Variants in AHNAK2 observed in about 807,000 individuals in gnomAD.
AHNAK2 encodes protein AHNAK2.
In AHNAK2, 18 loss-of-function variants were observed where a neutral mutation model predicts 30.7. The ratio of observed to expected loss-of-function variants is 0.59; its 90% confidence interval spans 0.41 to 0.87. The LOEUF (loss-of-function observed/expected upper bound fraction) is 0.87, where lower values mean the gene tolerates loss of function less well. Among genes scored for constraint, AHNAK2 ranks in the 40% least tolerant of loss-of-function variants. The probability of loss-of-function intolerance (pLI) is 0.00; values close to 1 mark genes in which losing one functional copy is unlikely to be tolerated. For missense variants in AHNAK2, 8,604 were observed against 7,373.0 expected, an observed-to-expected ratio of 1.17 and a Z score of -6.11; for synonymous variants, 3,590 against 3,073.8, an observed-to-expected ratio of 1.17 and a Z score of -5.56.
rs371097771 is a variant in AHNAK2, at chr14:104,959,409, A to G, written c.56-1737T>C. Among the ~76,000 whole-genome samples, 36 of 152,284 alleles carry G rather than the reference A, an allele frequency of 2.4e-4. No individual in the cohort carries two copies. In the East Asian group the frequency reaches 6.6e-3, roughly 28 times the overall value. The stretch of plus-strand genomic sequence containing the variant: ...CTGGTCTTGAACTCTTGACCTCGTG[A>G]TCCGCCTGCCTCAGCCTCCCAAAGT... On this transcript the variant is annotated intron_variant, in intron 1 of 6. Transcript: ENST00000333244.
At position 104,952,307 on chromosome 14, in the gene AHNAK2, A is replaced by C. The variant is rs768172103; in HGVS notation, c.3144T>G (p.Ile1048Met). 1.8e-5 allele frequency: 29 copies of C among 1,611,160 alleles called. No individual in the cohort carries two copies. The highest frequency in any genetic ancestry group is 2.4e-5 in the Non-Finnish European group (28 of 1,179,052). The change falls in exon 7 of 7, where the codon ATT becomes ATG. Residue 1048 changes from isoleucine (I) to methionine (M), a missense_variant. Physicochemically the swap from Ile to Met is conservative, Grantham distance 10. Coordinates refer to ENST00000333244, the MANE Select transcript of AHNAK2 (RefSeq NM_138420.4). ...CCTTCAGGTCAGTAGAAGCAGGCTG[A>C]ATGCTGAGGTCAGTGGTCTTCAGGT... is the stretch of plus-strand genomic sequence containing the variant. ...QGDLKTTDLS[I>M]QPASTDLKVQ...
Position 104,946,634 on chromosome 14 carries a change from C to A in AHNAK2, c.8817G>T (p.Val2939=). The change falls in exon 7 of 7, where the codon GTG becomes GTT. Residue 2939 remains valine (V), a synonymous_variant. Coordinates refer to ENST00000333244, the MANE Select transcript of AHNAK2 (RefSeq NM_138420.4). ...CGTCCACCTCCACGCTGGGCAGAGACACCTCCACGTCGGGGGCCGTCACCT... is the reference window on the plus strand; with the variant it reads ...CGTCCACCTCCACGCTGGGCAGAGAAACCTCCACGTCGGGGGCCGTCACCT... ...KAEVTAPDVE[V]SLPSVEVDVE... 6.2e-7 allele frequency: 1 copy of A among 1,612,800 alleles called. No individual in the cohort carries two copies. The highest frequency in any genetic ancestry group is 1.1e-5 in the South Asian group (1 of 91,006).
Position 104,951,511 on chromosome 14 carries a change from G to C in AHNAK2, c.3940C>G (p.Leu1314Val), listed in dbSNP as rs200698697. 143 of 1,246,782 alleles carry C rather than the reference G, an allele frequency of 1.1e-4. 52 individuals carry two copies. Among genetic ancestry groups the C allele is most frequent in the Non-Finnish European group, 1.5e-4 (135 of 880,794 alleles). 77.2% of individuals were successfully genotyped at this position (1,246,782 alleles called of 1,614,324 possible). ...GTCACGTCCTTGTCAGCCAGGGACA[G>C]GTCCCCGTCCAGCTGTGCGCCATCC... ...KLDGAQLDGD[L>V]SLADKDVTAK... is the part of the protein sequence containing the mutation. Residue 1314 changes from leucine to valine, a missense_variant, in exon 7 of 7, where the codon CTG (leucine) becomes GTG (valine). Physicochemically the swap from Leu to Val is conservative, Grantham distance 32. Coordinates refer to ENST00000333244, the MANE Select transcript of AHNAK2 (RefSeq NM_138420.4).
rs745655699 is a variant in AHNAK2 at position 104,948,404 on chromosome 14, C to T, written c.7047G>A (p.Glu2349=). The change falls in exon 7 of 7, where the codon GAG becomes GAA. Residue 2349 remains glutamate (E), a synonymous_variant. Coordinates refer to ENST00000333244, the MANE Select transcript of AHNAK2 (RefSeq NM_138420.4). Reference sequence around the variant, plus strand: ...GCATGGAGGGGAGGCTCACGTCGGCCTCCACCTTCAACGCAGACACATCCG... The same window carrying T: ...GCATGGAGGGGAGGCTCACGTCGGCTTCCACCTTCAACGCAGACACATCCG... ...ASADVSALKV[E]ADVSLPSMQG... 1.2e-5 allele frequency: 20 copies of T among 1,612,240 alleles called. No homozygotes were observed. Among genetic ancestry groups the T allele is most frequent in the East Asian group, 6.7e-5 (3 of 44,752 alleles).
rs1489255151 is a variant in AHNAK2, at chr14:104,946,157, C to T, written c.9294G>A (p.Thr3098=). 4.3e-6 allele frequency: 7 copies of T among 1,611,954 alleles called. No homozygotes were observed. Among genetic ancestry groups the T allele is most frequent in the Admixed American group, 3.3e-5 (2 of 59,834 alleles). ...LDLKGPKTDV[T]APDVEVSQPG... is the part of the protein sequence containing the mutation. The stretch of plus-strand genomic sequence containing the variant: ...GCTGAGACACCTCCACGTCGGGGGC[C>T]GTCACGTCCGTCTTCGGGCCTTTCA... The change falls in exon 7 of 7, where the codon ACG becomes ACA. Residue 3098 remains threonine (T), a synonymous_variant. Transcript: ENST00000333244.
chr14:104,946,396 C>G lies in AHNAK2; in HGVS notation c.9055G>C (p.Gly3019Arg). Residue 3019 changes from glycine to arginine, a missense_variant, in exon 7 of 7, where the codon GGG becomes CGG. Coordinates refer to ENST00000333244, the MANE Select transcript of AHNAK2 (RefSeq NM_138420.4). ...CTGATGTCAGTGGTCTTCAGGTCCCCCTGCATGGAGGGGAGGCTCACTTCG... is the reference window on the plus strand; with the variant it reads ...CTGATGTCAGTGGTCTTCAGGTCCCGCTGCATGGAGGGGAGGCTCACTTCG... ...EAEVSLPSMQ[G>R]DLKTTDISIE... The G allele has an allele frequency of 6.2e-7, 1 of 1,612,636 alleles. No homozygotes were observed. Among genetic ancestry groups the G allele is most frequent in the Non-Finnish European group, 8.5e-7 (1 of 1,179,570 alleles).
chr14:104,949,553 A>C lies in AHNAK2; in HGVS notation c.5898T>G (p.Asp1966Glu), dbSNP rs374967021. The change falls in exon 7 of 7, where the codon GAT becomes GAG. Residue 1966 changes from aspartate to glutamate, a missense_variant. Coordinates refer to ENST00000333244, the MANE Select transcript of AHNAK2 (RefSeq NM_138420.4). The stretch of plus-strand genomic sequence containing the variant: ...ACAGGTCTCCCTCCAGCCGCGCACC[A>C]TCCAGCTTAGCCTTCTGGGCCTGGA... ...VDVQAQKAKLDGARLEGDLSL... is the reference protein window; with the variant it reads ...VDVQAQKAKLEGARLEGDLSL... 1.4e-5 allele frequency: 22 copies of C among 1,586,344 alleles called. 4 individuals are homozygous for C. Among genetic ancestry groups the C allele is most frequent in the African/African-American group, 2.8e-5 (2 of 72,142 alleles).
Position 104,942,171 on chromosome 14 carries a change from G to A in AHNAK2, c.13280C>T (p.Pro4427Leu). ...GGCTTGGATGTCCACCTCCATGCTG[G>A]GCAGAGACACGTCCAGGTTGGGGGA... ...VTSPNLDVSL[P>L]SMEVDIQAPG... The change falls in exon 7 of 7, where the codon CCC becomes CTC. Residue 4427 changes from proline to leucine, a missense_variant. Pro to Leu is a moderately conservative substitution (Grantham distance 98). Transcript: ENST00000333244. 5 of 1,613,092 alleles carry A rather than the reference G, an allele frequency of 3.1e-6. No individual in the cohort carries two copies. Among genetic ancestry groups the A allele is most frequent in the Non-Finnish European group, 2.5e-6 (3 of 1,179,726 alleles).
chr14:104,973,917 A>C (rs895375940), intron 1 of AHNAK2, among the ~76,000 whole-genome samples: 2 of 152,004 alleles, frequency 1.3e-5, no homozygotes, highest in African/African-American at 2.4e-5. Context: ...TGGCTGCAAA[A>C]ACCTCTGCCT....
Position 104,941,084 on chromosome 14 carries a change from A to G in AHNAK2, c.14367T>C (p.Asp4789=), listed in dbSNP as rs761408726. The G allele has an allele frequency of 6.2e-7, 1 of 1,613,710 alleles. No individual in the cohort carries two copies. Among genetic ancestry groups the G allele is most frequent in the Admixed American group, 1.7e-5 (1 of 60,020 alleles). Residue 4789 remains aspartate (D), a synonymous_variant, in exon 7 of 7, where the codon GAT becomes GAC. Transcript: ENST00000333244. ...TCACCTGGTATTTTGTAAGTGTAACATCCTCACAGGGAGAGAGAATAGAAG... is the reference window on the plus strand; with the variant it reads ...TCACCTGGTATTTTGTAAGTGTAACGTCCTCACAGGGAGAGAGAATAGAAG... The part of the protein sequence containing the change: ...FESSILSPCE[D]VTLTKYQVTV...
rs371207386 is a variant in AHNAK2 at position 104,950,900 on chromosome 14, A to G, written c.4551T>C (p.Asp1517=). 3,375 of 1,558,114 alleles carry G rather than the reference A, an allele frequency of 2.2e-3. 233 individuals are homozygous for G. In the African/African-American group the frequency reaches 0.035, roughly 16 times the overall value. Residue 1517 remains aspartate (D), a synonymous_variant, in exon 7 of 7, where the codon GAT becomes GAC. Coordinates refer to ENST00000333244, the MANE Select transcript of AHNAK2 (RefSeq NM_138420.4). Reference sequence around the variant, plus strand: ...CGGCCTCCACCTTCGGCGCAGACACATCCACTGAGGCCTCGATGGACTTGC... The same window carrying G: ...CGGCCTCCACCTTCGGCGCAGACACGTCCACTGAGGCCTCGATGGACTTGC... ...APGKSIEASV[D]VSAPKVEADV... is the part of the protein sequence containing the mutation.
rs747536773 is a variant in AHNAK2 at position 104,943,826 on chromosome 14, G to A, written c.11625C>T (p.His3875=). 6.7e-5 allele frequency: 108 copies of A among 1,611,906 alleles called. 3 individuals carry two copies. Among genetic ancestry groups the A allele is most frequent in the South Asian group, 3.8e-4 (35 of 90,988 alleles). ...CTTTGAGGCCGGCTTCCTCGGGCAC[G>A]TGGCCCTCCAGGAGTTTCATGTCCA... is the stretch of plus-strand genomic sequence containing the variant. ...RQVDMKLLEG[H]VPEEAGLKGH... The change falls in exon 7 of 7, where the codon CAC becomes CAT. Residue 3875 remains histidine, a synonymous_variant. Transcript: ENST00000333244.
rs115608740 is a variant in AHNAK2, at chr14:104,973,073, C to T, written c.55+5110G>A. Reference sequence around the variant, plus strand: ...GCTCACCTGCCTCAGTTCCCGGGGGCCCCACCTACCGGACCCCTGGCACCA... The same window carrying T: ...GCTCACCTGCCTCAGTTCCCGGGGGTCCCACCTACCGGACCCCTGGCACCA... On this transcript the variant is annotated intron_variant, in intron 1 of 6. Transcript: ENST00000333244. Among the ~76,000 whole-genome samples, 466 of 152,304 alleles carry T rather than the reference C, an allele frequency of 3.1e-3. 1 individual carries two copies. The highest frequency in any genetic ancestry group is 0.011 in the African/African-American group (453 of 41,538).
At position 104,953,345 on chromosome 14, in the gene AHNAK2, C is replaced by T. The variant is rs200701311; in HGVS notation, c.2106G>A (p.Ala702=). The stretch of plus-strand genomic sequence containing the variant: ...GGCTCACGTCGGCCTCCACCTTCGG[C>T]GCAGACACATCCACCGAGGCCTCCA... ...KSMEASVDVS[A]PKVEADVSLL... is the part of the protein sequence containing the mutation. The change falls in exon 7 of 7, where the codon GCG becomes GCA. Residue 702 remains alanine (A), a synonymous_variant. Transcript: ENST00000333244. 1.9e-5 allele frequency: 30 copies of T among 1,613,520 alleles called. No homozygotes were observed. Among genetic ancestry groups the T allele is most frequent in the African/African-American group, 1.1e-4 (8 of 74,754 alleles).
In AHNAK2 at chr14:104,944,092, C is replaced by T. The variant is rs1224025041; in HGVS notation, c.11359G>A (p.Gly3787Arg). ...TCCTTGTCGGCCAGGGACAGGTCCC[C>T]CTCCAGCTGTGCACTATCCAGTTTG... ...RAKLDSAQLE[G>R]DLSLADKDVT... is the part of the protein sequence containing the mutation. The change falls in exon 7 of 7, where the codon GGG becomes AGG. Residue 3787 changes from glycine to arginine, a missense_variant. Transcript: ENST00000333244. 9.9e-6 allele frequency: 16 copies of T among 1,613,358 alleles called. No homozygotes were observed. The East Asian group carries it at 2.9e-4, about 29-fold the overall frequency.
At position 104,938,021 on chromosome 14, in the gene AHNAK2, C is replaced by A; in HGVS notation, c.*42G>T. On this transcript the variant is annotated 3_prime_UTR_variant, in exon 7 of 7. Coordinates refer to ENST00000333244, the MANE Select transcript of AHNAK2 (RefSeq NM_138420.4). The stretch of plus-strand genomic sequence containing the variant: ...TGTGTGTGTAGCCTTTACTTTCCAA[C>A]TTAGTTTTTTGCATCTCTCTTGTAC... 6.3e-7 allele frequency: 1 copy of A among 1,576,808 alleles called. No individual in the cohort carries two copies. Among genetic ancestry groups the A allele is most frequent in the South Asian group, 1.2e-5 (1 of 85,438 alleles).
Position 104,954,159 on chromosome 14 carries a change from G to T in AHNAK2, c.1292C>A (p.Thr431Lys), listed in dbSNP as rs1460792980. The change falls in exon 7 of 7, where the codon ACA becomes AAA. Residue 431 changes from threonine (T) to lysine (K), a missense_variant. By Grantham distance (78) the Thr-to-Lys change is moderately conservative. Coordinates refer to ENST00000333244, the MANE Select transcript of AHNAK2 (RefSeq NM_138420.4). The surrounding 1 kb of genome is among the most constrained non-coding windows in gnomAD (Gnocchi z 4.3). ...CCTGGGCTTCCTCTGGGCCACTGCT[G>T]TCTCCTGTGCCTGCCCCTCCAGGGT... ...GKTLEGQAQE[T>K]AVAQRKPRAQ... 1 of 1,610,272 alleles carries T rather than the reference G, an allele frequency of 6.2e-7. No individual in the cohort carries two copies. Among genetic ancestry groups the T allele is most frequent in the Non-Finnish European group, 8.5e-7 (1 of 1,179,840 alleles).
At chr14:104,972,481 C>A (rs946207128) in intron 1 of AHNAK2, among the ~76,000 whole-genome samples, 5 of 152,198 alleles carry the variant, frequency 3.3e-5, no homozygotes, top group African/African-American at 1.2e-4. Context: ...GGCCGTCATG[C>A]CAGACACAGC....
rs188776055 is a variant in AHNAK2 at position 104,945,815 on chromosome 14, T to G, written c.9636A>C (p.Pro3212=). 2.0e-6 allele frequency: 3 copies of G among 1,501,342 alleles called. No homozygotes were observed. The highest frequency in any genetic ancestry group is 4.5e-5 in the East Asian group (2 of 44,406). The allele number at this position is 1,501,342 out of a possible 1,614,324, so 93.0% of individuals were successfully genotyped here. The change falls in exon 7 of 7, where the codon CCA becomes CCC. Residue 3212 remains proline (P), a synonymous_variant. Coordinates refer to ENST00000333244, the MANE Select transcript of AHNAK2 (RefSeq NM_138420.4). The part of the protein sequence containing the change: ...VQAGQVDVKL[P]EGHVLEGAGL... Reference sequence around the variant, plus strand: ...CAGCTCCCTCGAGAACGTGGCCCTCTGGGAGCTTCACGTCCACCTGGCCAG... The same window carrying G: ...CAGCTCCCTCGAGAACGTGGCCCTCGGGGAGCTTCACGTCCACCTGGCCAG...
Sources: gnomAD v4.1 joint callset for allele counts (sites outside exome capture counted in the v4.1 genomes callset) on GRCh38, gnomAD v4.1.1 for gene constraint, Gnocchi (gnomAD v3.1) non-coding constraint, MANE v1.5 for transcripts, NCBI Gene and HGNC (gene_info 2026-07-23, HGNC 2026-07-21) for gene names.